The following CPLX4 variants were observed in gnomAD, a reference collection of about 807,000 sequenced individuals.
CPLX4 encodes complexin-4.
Under a neutral mutation model 16.1 loss-of-function variants are expected in CPLX4, and 17 were observed. The observed-to-expected ratio is 1.06, with a 90% confidence interval of 0.72 to 1.59. The LOEUF (loss-of-function observed/expected upper bound fraction) is 1.59. CPLX4 is among the 40% of genes most tolerant of loss of function. The pLI is 0.00. For synonymous variants in CPLX4, 55 were observed against 57.8 expected, an observed-to-expected ratio of 0.95 and a Z score of 0.22; for missense variants, 193 against 192.9, an observed-to-expected ratio of 1.00 and a Z score of 0.00.
Position 59,318,284 on chromosome 18 carries a change from GCATGTACT to G in CPLX4, c.167+4_167+11del. The stretch of plus-strand genomic sequence containing the variant: ...TTTGCTTTTTAAGGGAAATGAAATA[GCATGTACT>G]CACTTCTCCTCAATCATTTGCTTTT... On this transcript the variant is annotated splice_donor_5th_base_variant and intron_variant, in intron 1 of 2. Transcript: ENST00000299721. 6.3e-7 allele frequency: 1 copy of G among 1,593,950 alleles called. No homozygotes were observed. The highest frequency in any genetic ancestry group is 2.2e-5 in the East Asian group (1 of 44,660).
chr18:59,305,799 G>A (rs923108695), intron 2 of CPLX4, among the ~76,000 whole-genome samples: 19 of 152,196 alleles, frequency 1.2e-4, no homozygotes, highest in Middle Eastern at 3.2e-3. Context: ...TGCAGCCCTC[G>A]AGGACAATGT....
intron 2 of CPLX4, among the ~76,000 whole-genome samples, chr18:59,303,323 A>G (rs1248903310): frequency 6.6e-6 from 1 of 152,124 alleles, no homozygotes; most frequent in Non-Finnish European, 1.5e-5. Context: ...TGGGAGCTAC[A>G]TGGAATGAGA....
At chr18:59,305,673 C>T (rs1481296848) in intron 2 of CPLX4, among the ~76,000 whole-genome samples, 3 of 152,058 alleles carry the variant, frequency 2.0e-5, no homozygotes, top group Non-Finnish European at 4.4e-5. Flanking sequence ...GCTGGTTCTA[C>T]CTGTGAAGTG....
At chr18:59,302,277 CAG>C (rs2144181256) in intron 2 of CPLX4, among the ~76,000 whole-genome samples, 1 of 152,346 alleles carries the variant, frequency 6.6e-6, no homozygotes, top group Non-Finnish European at 1.5e-5. Context: ...TATTTGGACA[CAG>C]TTCACACTTC....
At chr18:59,313,143 G>C (rs1031028736) in intron 1 of CPLX4, among the ~76,000 whole-genome samples, 11 of 152,150 alleles carry the variant, frequency 7.2e-5, no homozygotes, top group Non-Finnish European at 1.5e-5. Flanking sequence ...TCCTAGCCCT[G>C]CTGCATCAGA....
chr18:59,308,230 T>G (rs1603391759), intron 2 of CPLX4, among the ~76,000 whole-genome samples: 1 of 152,172 alleles, frequency 6.6e-6, no homozygotes, highest in South Asian at 2.1e-4. Context: ...AGCATGGCAC[T>G]GGAGGCCTGG....
chr18:59,304,923 CAGTGTGTGTG>C (rs2070566112), intron 2 of CPLX4, among the ~76,000 whole-genome samples: 1 of 96,252 alleles, frequency 1.0e-5, no homozygotes, highest in African/African-American at 4.6e-5. Flanking sequence ...ACTCAACAAT[CAGTGTGTGTG>C]TGTGTGTGTG....
chr18:59,313,290 A>G (rs1475703001), intron 1 of CPLX4, among the ~76,000 whole-genome samples: 2 of 152,044 alleles, frequency 1.3e-5, no homozygotes, highest in Non-Finnish European at 2.9e-5. Flanking sequence ...ATATAATATA[A>G]ACCTGTCTCC....
intron 1 of CPLX4, among the ~76,000 whole-genome samples, chr18:59,315,109 A>G (rs1373740480): frequency 6.6e-6 from 1 of 152,218 alleles, no homozygotes; most frequent in Admixed American, 6.5e-5. Flanking sequence ...CCTTTCTCCA[A>G]AATGGTCATA....
At chr18:59,315,847 G>C (rs139843131) in intron 1 of CPLX4, among the ~76,000 whole-genome samples, 1 of 152,098 alleles carries the variant, frequency 6.6e-6, no homozygotes, top group African/African-American at 2.4e-5. Context: ...CCCATTGATC[G>C]ATTTGTTGAT....
rs902039571 is a variant in CPLX4, at chr18:59,295,693, AG to A, written c.*1004del. On this transcript the variant is annotated 3_prime_UTR_variant, in exon 3 of 3. Transcript: ENST00000299721. ...TTCCTTTTGAAAGAGAGCAGATATTAGGGGGGAAAAATCAGTGTCTACCCTG... is the reference window on the plus strand; with the variant it reads ...TTCCTTTTGAAAGAGAGCAGATATTAGGGGGAAAAATCAGTGTCTACCCTG... 6.6e-6 allele frequency: 1 copy of A among 151,466 alleles called. No individual in the cohort carries two copies. Among genetic ancestry groups the A allele is most frequent in the African/African-American group, 2.4e-5 (1 of 41,290 alleles). The allele number at this position is 151,466 out of a possible 1,614,324, so 9.4% of individuals were successfully genotyped here.
chr18:59,297,113 G>A (rs1156891228), intron 2 of CPLX4, among the ~76,000 whole-genome samples, 188 bp from the exon 3 acceptor site: 1 of 151,980 alleles, frequency 6.6e-6, no homozygotes, highest in Non-Finnish European at 1.5e-5. Flanking sequence ...CTTTCTTCAT[G>A]GCACCTTGCG....
In CPLX4 at chr18:59,295,567, C is replaced by CAAAAAAA. The variant is rs5825327; in HGVS notation, c.*1124_*1130dup. On this transcript the variant is annotated 3_prime_UTR_variant, in exon 3 of 3. Transcript: ENST00000299721. ...TTATTCACTGTATGAACAGAGTCAC[C>CAAAAAAA]AAAAAAAAAAAAAAAAATCAGTATT... 1 of 140,380 alleles carries CAAAAAAA rather than the reference C, an allele frequency of 7.1e-6. No homozygotes were observed. 8.7% of individuals were successfully genotyped at this position (140,380 alleles called of 1,614,324 possible). A position where few individuals can be genotyped will look rare whatever the true frequency, so the allele number is the denominator to read the frequency against.
chr18:59,318,378 CTTCTTCTTTATT>C lies in CPLX4; in HGVS notation c.73_84del (p.Asn25_Glu28del). On this transcript the variant is annotated inframe_deletion, in exon 1 of 3. Coordinates refer to ENST00000299721, the MANE Select transcript of CPLX4 (RefSeq NM_181654.4). ...GCTGCTGCAGGATCAGATGCACCTC[CTTCTTCTTTATT>C]TTCTTCAGACCCACCACCAAATCCT... The C allele has an allele frequency of 6.2e-7, 1 of 1,613,872 alleles. No individual in the cohort carries two copies. The highest frequency in any genetic ancestry group is 8.5e-7 in the Non-Finnish European group (1 of 1,179,848).
At position 59,296,314 on chromosome 18, in the gene CPLX4, A is replaced by T; in HGVS notation, c.*384T>A. On this transcript the variant is annotated 3_prime_UTR_variant, in exon 3 of 3. Transcript: ENST00000299721. ...ACTCTCCACATTTCTCTCTGAAGGG[A>T]CCTGGTGTCCTGCGAATAGTTGGAC... 3.7e-6 allele frequency: 1 copy of T among 269,192 alleles called. No individual in the cohort carries two copies. The highest frequency in any genetic ancestry group is 4.0e-5 in the South Asian group (1 of 24,750). 16.7% of individuals were successfully genotyped at this position (269,192 alleles called of 1,614,324 possible). A position where few individuals can be genotyped will look rare whatever the true frequency, so the allele number is the denominator to read the frequency against.
At chr18:59,317,375 C>A (rs538285) in intron 1 of CPLX4, among the ~76,000 whole-genome samples, 43,146 of 151,998 alleles carry the variant, frequency 0.28, 6,349 homozygotes, top group East Asian at 0.49. Context: ...AATCTTAATT[C>A]TACCTTAAAC....
Position 59,312,729 on chromosome 18 carries a change from C to A in CPLX4, c.211G>T (p.Ala71Ser). 2 of 1,481,800 alleles carry A rather than the reference C, an allele frequency of 1.3e-6. No individual in the cohort carries two copies. Among genetic ancestry groups the A allele is most frequent in the Non-Finnish European group, 1.9e-6 (2 of 1,059,774 alleles). The allele number at this position is 1,481,800 out of a possible 1,614,324, so 91.8% of individuals were successfully genotyped here. A position where few individuals can be genotyped will look rare whatever the true frequency, so the allele number is the denominator to read the frequency against. The part of the protein sequence containing the change: ...AAFTQKKAER[A>S]CLRVHLREKY... ...TCTCTGAGATGAACTCTGAGGCATG[C>A]CCTTTCTGCCTTTTTCTGTGTAAAT... The change falls in exon 2 of 3, where the codon GCA (alanine) becomes TCA (serine). Residue 71 changes from alanine (A) to serine (S), a missense_variant. Coordinates refer to ENST00000299721, the MANE Select transcript of CPLX4 (RefSeq NM_181654.4).
intron 1 of CPLX4, among the ~76,000 whole-genome samples, chr18:59,316,791 G>A (rs754500395): frequency 6.6e-5 from 10 of 152,128 alleles, no homozygotes; most frequent in South Asian, 2.1e-4. Flanking sequence ...ATCTGCAATC[G>A]GATCTGCTGC....
chr18:59,296,624 C>G lies in CPLX4; in HGVS notation c.*74G>C. ...TGTGTTCACTACATTAAAACATGTA[C>G]TGCTTGAAACGTCCCACAAGAGAGT... is the stretch of plus-strand genomic sequence containing the variant. On this transcript the variant is annotated 3_prime_UTR_variant, in exon 3 of 3. Transcript: ENST00000299721. 6.5e-7 allele frequency: 1 copy of G among 1,527,370 alleles called. No homozygotes were observed. The highest frequency in any genetic ancestry group is 8.9e-7 in the Non-Finnish European group (1 of 1,120,104). The allele number at this position is 1,527,370 out of a possible 1,614,324, so 94.6% of individuals were successfully genotyped here. A position where few individuals can be genotyped will look rare whatever the true frequency, so the allele number is the denominator to read the frequency against.
Sources: allele counts gnomAD v4.1 joint callset (sites outside exome capture counted in the v4.1 genomes callset), GRCh38; gene constraint gnomAD v4.1.1; transcripts MANE v1.5; gene names NCBI Gene and HGNC (gene_info 2026-07-23, HGNC 2026-07-21).